Variants in CPXM2 observed in about 807,000 individuals in gnomAD.
CPXM2 encodes the protein carboxypeptidase X, M14 family member 2.
A neutral mutation model predicts 86.1 loss-of-function variants in CPXM2; 66 were observed. That is an observed-to-expected ratio of 0.77 (90% CI 0.63 to 0.94). The LOEUF is 0.94. Ranked by LOEUF, CPXM2 falls within the 40% of genes least tolerant of loss-of-function variation. The pLI is 0.00. For synonymous variants in CPXM2, 388 were observed against 400.2 expected (o/e 0.97, Z 0.36); for missense variants, 948 against 1,026.3 (o/e 0.92, Z 1.04).
chr10:123,855,979 G>A (rs1330320077), intron 3 of CPXM2, among the ~76,000 whole-genome samples: 1 of 152,156 alleles, frequency 6.6e-6, no homozygotes, highest in Non-Finnish European at 1.5e-5. Context: ...TCTAACATGG[G>A]TGAGACAAGA....
chr10:123,916,823 G>A (rs996058047), intron 2 of CPXM2, among the ~76,000 whole-genome samples: 2 of 151,602 alleles, frequency 1.3e-5, no homozygotes, highest in Admixed American at 6.6e-5. Context: ...TGTTGTCCAG[G>A]GTGGAGTGCA....
intron 2 of CPXM2, 66 bp downstream of exon 2, chr10:123,880,145 T>TGGGGGGCCCCC: frequency 2.5e-6 from 1 of 407,580 alleles, no homozygotes; most frequent in Non-Finnish European, 4.8e-6. Flanking sequence ...CAGGGGCCTG[T>TGGGGGGCCCCC]ACCCACCCAC....
At chr10:123,895,315 GGTT>G (rs1590109929), upstream of CPXM2, among the ~76,000 whole-genome samples, 1 of 151,546 alleles carries the variant, frequency 6.6e-6, no homozygotes, top group East Asian at 1.9e-4. Flanking sequence ...ATACAGACAG[GGTT>G]TCACCATGTT....
In CPXM2 at chr10:123,872,478, G is replaced by A. The variant is rs192673621; in HGVS notation, c.403+7733C>T. Among the ~76,000 whole-genome samples the A allele has an allele frequency of 4.2e-3, 646 of 152,274 alleles. 3 individuals carry two copies. Among genetic ancestry groups the A allele is most frequent in the African/African-American group, 0.015 (617 of 41,556 alleles). On this transcript the variant is annotated intron_variant, in intron 2 of 13. Coordinates refer to ENST00000241305, the MANE Select transcript of CPXM2 (RefSeq NM_198148.3). Reference sequence around the variant, plus strand: ...AATATTAAGTTCAAAACAGGCAAAAGTTGTATCTGATGGTGGTTATCTTTG... The same window carrying A: ...AATATTAAGTTCAAAACAGGCAAAAATTGTATCTGATGGTGGTTATCTTTG...
intron 7 of CPXM2, among the ~76,000 whole-genome samples, chr10:123,776,236 C>T (rs558289159): frequency 7.2e-5 from 11 of 152,238 alleles, no homozygotes; most frequent in Non-Finnish European, 1.5e-4. Flanking sequence ...GAAAAGAAGT[C>T]TGAAAAGTCT....
Position 123,754,466 on chromosome 10 carries a change from C to T in CPXM2, c.2017+197G>A, listed in dbSNP as rs556971591. 7.2e-5 allele frequency among the ~76,000 whole-genome samples: 11 copies of T among 152,328 alleles called. No individual in the cohort carries two copies. In the East Asian group the frequency reaches 9.6e-4, roughly 13 times the overall value. ...CACAGCCATCCTGTGAAAGGGACAG[C>T]GAGCAACCAGCAAGCACAGGCTGAA... On this transcript the variant is annotated intron_variant, in intron 13 of 13. Coordinates refer to ENST00000241305, the MANE Select transcript of CPXM2 (RefSeq NM_198148.3). The surrounding 1 kb of genome is among the most constrained non-coding windows in gnomAD (Gnocchi z 4.0).
chr10:123,854,586 A>G (rs1848679977), intron 3 of CPXM2, among the ~76,000 whole-genome samples: 1 of 150,894 alleles, frequency 6.6e-6, no homozygotes, highest in South Asian at 2.1e-4. Context: ...CCGGCTGTAG[A>G]TAACCCAGGG....
At chr10:123,843,340 C>T (rs998646170) in intron 3 of CPXM2, 1 of 446,996 alleles carries the variant, frequency 2.2e-6, no homozygotes, top group Non-Finnish European at 4.5e-6. Context: ...AGAGATAATT[C>T]CCTGACTCCT....
chr10:123,750,193 A>G lies in CPXM2; in HGVS notation c.2018-3176T>C, dbSNP rs566558439. The G allele has an allele frequency of 6.0e-5, 59 of 985,382 alleles. No individual in the cohort carries two copies. In the African/African-American group the frequency reaches 1.0e-3, roughly 17 times the overall value. The allele number at this position is 985,382 out of a possible 1,614,324, so 61.0% of individuals were successfully genotyped here. The stretch of plus-strand genomic sequence containing the variant: ...TTTGTTCTGTCCTTGTGGCCCTGTC[A>G]GATAAGCCCTCTAATTTTTGAGGAG... On this transcript the variant is annotated intron_variant, in intron 13 of 13. Coordinates refer to ENST00000241305, the MANE Select transcript of CPXM2 (RefSeq NM_198148.3).
chr10:123,833,883 G>T (rs1336212799), intron 4 of CPXM2, among the ~76,000 whole-genome samples: 1 of 151,560 alleles, frequency 6.6e-6, no homozygotes, highest in Non-Finnish European at 1.5e-5. Flanking sequence ...GAAAGGGAAG[G>T]AGACCTAAGG....
chr10:123,840,125 G>A (rs968959349), intron 4 of CPXM2, among the ~76,000 whole-genome samples: 2 of 152,212 alleles, frequency 1.3e-5, no homozygotes, highest in Non-Finnish European at 2.9e-5. Context: ...AGCTTAACAT[G>A]CAAGCATTAA....
upstream of CPXM2, among the ~76,000 whole-genome samples, chr10:123,943,691 C>CTT (rs1269518229): frequency 9.2e-5 from 14 of 152,212 alleles, no homozygotes; most frequent in Non-Finnish European, 2.1e-4. Context: ...TGGCTGGAGC[C>CTT]TGTTGCTGAG....
At chr10:123,913,556 G>T (rs1472465078) in intron 2 of CPXM2, 3 of 166,902 alleles carry the variant, frequency 1.8e-5, no homozygotes, top group Non-Finnish European at 3.9e-5. Context: ...ATTAAAGATG[G>T]CTAAGGAAGC....
chr10:123,800,028 GTT>G (rs530876054), intron 4 of CPXM2, among the ~76,000 whole-genome samples: 1,663 of 109,546 alleles, frequency 0.015, 28 homozygotes, highest in African/African-American at 0.052. Flanking sequence ...TAGTTTTTTG[GTT>G]TTTTTTTTTT....
Position 123,791,204 on chromosome 10 carries a change from G to A in CPXM2, c.889+6772C>T, listed in dbSNP as rs564498151. Among the ~76,000 whole-genome samples the A allele has an allele frequency of 1.9e-4, 29 of 152,188 alleles. No individual in the cohort carries two copies. The East Asian group carries it at 4.8e-3, about 25-fold the overall frequency. On this transcript the variant is annotated intron_variant, in intron 6 of 13. Transcript: ENST00000241305. ...TGAGGCGGGCAGATCATCTGAGGTC[G>A]GGGGTTCGAGACCAGCCTGACCAAC...
At chr10:123,884,280 A>G (rs1430214861) in intron 1 of CPXM2, among the ~76,000 whole-genome samples, 1 of 152,200 alleles carries the variant, frequency 6.6e-6, no homozygotes, top group Non-Finnish European at 1.5e-5. Context: ...CCAGAATTGC[A>G]GCATTAAGGC....
chr10:123,748,086 G>A (rs1846003601), intron 13 of CPXM2, among the ~76,000 whole-genome samples: 1 of 152,028 alleles, frequency 6.6e-6, no homozygotes, highest in African/African-American at 2.4e-5. Flanking sequence ...GCAAAAAGAC[G>A]AGGCTGGCAC....
chr10:123,894,596 G>A (rs141933218), upstream of CPXM2, among the ~76,000 whole-genome samples: 50 of 152,246 alleles, frequency 3.3e-4, no homozygotes, highest in Admixed American at 2.4e-3. Flanking sequence ...AAGATAGGGC[G>A]GCAAAGCTGA....
intron 2 of CPXM2, among the ~76,000 whole-genome samples, chr10:123,872,212 C>T (rs1944906677): frequency 6.6e-6 from 1 of 151,970 alleles, no homozygotes; most frequent in Non-Finnish European, 1.5e-5. Context: ...CATATATACA[C>T]CAAAAGACTT....
Sources: gnomAD v4.1 joint callset for allele counts (sites outside exome capture counted in the v4.1 genomes callset) on GRCh38, gnomAD v4.1.1 for gene constraint, Gnocchi (gnomAD v3.1) non-coding constraint, MANE v1.5 for transcripts, NCBI Gene and HGNC (gene_info 2026-07-23, HGNC 2026-07-21) for gene names.